Variants in KCNC2 observed in about 807,000 individuals in gnomAD.
KCNC2 encodes voltage-gated potassium channel KCNC2.
Under a neutral mutation model 44.5 loss-of-function variants are expected in KCNC2, and 21 were observed. The observed-to-expected ratio is 0.47, with a 90% CI of 0.33 to 0.68. The LOEUF is 0.68. Among genes scored for constraint, KCNC2 ranks in the 30% least tolerant of loss-of-function variants. The pLI is 0.01. For synonymous variants in KCNC2, 391 were observed against 339.1 expected (o/e 1.15, Z -1.68); for missense variants, 589 against 826.2 (o/e 0.71, Z 3.52).
intron 2 of KCNC2, among the ~76,000 whole-genome samples, chr12:75,193,061 A>G (rs2030437812): frequency 6.6e-6 from 1 of 152,116 alleles, no homozygotes; most frequent in African/African-American, 2.4e-5. Context: ...AAATAACCAG[A>G]CACTGTTCAT....
rs201314594 is a variant in KCNC2 at position 75,051,363 on chromosome 12, T to C, written c.688-46A>G. ...AAAAAACCCATAGTGATCTGAATCG[T>C]AATATATGTTGATTCTAATCTAAAA... is the stretch of plus-strand genomic sequence containing the variant. On this transcript the variant is annotated intron_variant, in intron 2 of 4. Coordinates refer to ENST00000549446, the MANE Select transcript of KCNC2 (RefSeq NM_139137.4). 5.5e-5 allele frequency: 58 copies of C among 1,045,378 alleles called. No homozygotes were observed. In the African/African-American group the frequency reaches 9.1e-4, roughly 16 times the overall value. The allele number at this position is 1,045,378 out of a possible 1,614,324, so 64.8% of individuals were successfully genotyped here. A position where few individuals can be genotyped will look rare whatever the true frequency, so the allele number is the denominator to read the frequency against.
At chr12:75,086,681 A>AAAAATATATATATAT (rs1206456289) in intron 2 of KCNC2, among the ~76,000 whole-genome samples, 33 of 54,170 alleles carry the variant, frequency 6.1e-4, no homozygotes, top group African/African-American at 1.1e-3. Flanking sequence ...AAAAAAAAAA[A>AAAAATATATATATAT]ATATATATAT....
chr12:75,167,758 C>T (rs1329416382), intron 2 of KCNC2, among the ~76,000 whole-genome samples: 2 of 151,202 alleles, frequency 1.3e-5, no homozygotes, highest in Admixed American at 1.3e-4. Flanking sequence ...CTTAATTCAA[C>T]CCAATAATTT....
intron 2 of KCNC2, among the ~76,000 whole-genome samples, chr12:75,148,655 C>T (rs537628498): frequency 6.6e-6 from 1 of 151,986 alleles, no homozygotes; most frequent in East Asian, 1.9e-4. Flanking sequence ...AATTACATTA[C>T]TTTTTTGTTA....
chr12:75,084,918 A>G (rs1439371659), intron 2 of KCNC2, among the ~76,000 whole-genome samples: 1 of 150,354 alleles, frequency 6.7e-6, no homozygotes, highest in African/African-American at 2.4e-5. Context: ...TTTTATATAT[A>G]TATTTATAAT....
intron 2 of KCNC2, among the ~76,000 whole-genome samples, chr12:75,114,485 T>G (rs1435896057): frequency 6.6e-6 from 1 of 152,246 alleles, no homozygotes; most frequent in Non-Finnish European, 1.5e-5. Context: ...GGACTACGTC[T>G]TGGCCTCCTT....
intron 2 of KCNC2, among the ~76,000 whole-genome samples, chr12:75,156,946 T>G (rs1346492082): frequency 2.0e-5 from 3 of 151,854 alleles, no homozygotes; most frequent in Non-Finnish European, 4.4e-5. Context: ...CTGGGTAAAG[T>G]GTTGACTATG....
intron 4 of KCNC2, among the ~76,000 whole-genome samples, chr12:75,045,803 C>A (rs1426039410): frequency 6.6e-6 from 1 of 151,824 alleles, no homozygotes; most frequent in African/African-American, 2.4e-5. Flanking sequence ...TTAAAGTTTT[C>A]TTAATATATG....
chr12:75,139,936 G>C (rs1889516202), intron 2 of KCNC2, among the ~76,000 whole-genome samples: 1 of 152,168 alleles, frequency 6.6e-6, no homozygotes, highest in South Asian at 2.1e-4. Flanking sequence ...TCATAGGCTT[G>C]ATAGGGGCAT....
Position 75,143,962 on chromosome 12 carries a change from G to T in KCNC2, c.687+63335C>A, listed in dbSNP as rs1054430794. Among the ~76,000 whole-genome samples, 6 of 152,114 alleles carry T rather than the reference G, an allele frequency of 3.9e-5. No homozygotes were observed. In the East Asian group the frequency reaches 1.2e-3, roughly 29 times the overall value. On this transcript the variant is annotated intron_variant, in intron 2 of 4. Coordinates refer to ENST00000549446, the MANE Select transcript of KCNC2 (RefSeq NM_139137.4). ...TCCTCTATCTGATAATAAAAATGATGCACAAAAGGTAAAGATCATTTCATG... is the reference window on the plus strand; with the variant it reads ...TCCTCTATCTGATAATAAAAATGATTCACAAAAGGTAAAGATCATTTCATG...
chr12:75,127,700 G>A (rs549939927), intron 2 of KCNC2, among the ~76,000 whole-genome samples: 31 of 152,230 alleles, frequency 2.0e-4, no homozygotes, highest in African/African-American at 7.0e-4. Context: ...GTTTTTACCT[G>A]TACAAAGGCT....
At chr12:75,195,823 A>T (rs1169951458) in intron 2 of KCNC2, among the ~76,000 whole-genome samples, 47 of 152,106 alleles carry the variant, frequency 3.1e-4, no homozygotes, top group Non-Finnish European at 1.5e-5. Context: ...TCTCTCCATT[A>T]CCAGCAGAGA....
chr12:75,207,312 C>A lies in KCNC2; in HGVS notation c.672G>T (p.Ser224=), dbSNP rs201893676. 3.2e-6 allele frequency: 5 copies of A among 1,549,926 alleles called. No homozygotes were observed. The African/African-American group carries it at 7.0e-5, about 22-fold the overall frequency. ...CTGGCCTTACCCTGGCGGCTCTGGACGAGTAGGGGTCTTCGAAGAGGGCCC... is the reference window on the plus strand; with the variant it reads ...CTGGCCTTACCCTGGCGGCTCTGGAAGAGTAGGGGTCTTCGAAGAGGGCCC... The part of the protein sequence containing the change: ...RMWALFEDPY[S]SRAARFIAFA... Residue 224 remains serine, a synonymous_variant, in exon 2 of 5, where the codon TCG becomes TCT. Transcript: ENST00000549446. The surrounding 1 kb of genome is among the most constrained non-coding windows in gnomAD (Gnocchi z 4.1).
At chr12:75,203,947 AG>A (rs1302409589) in intron 2 of KCNC2, among the ~76,000 whole-genome samples, 1 of 151,954 alleles carries the variant, frequency 6.6e-6, no homozygotes, top group Admixed American at 6.5e-5. Flanking sequence ...TTCAAAGGAA[AG>A]CACATACAAG....
chr12:75,199,808 GA>G (rs918520225), intron 2 of KCNC2, among the ~76,000 whole-genome samples: 2 of 151,738 alleles, frequency 1.3e-5, no homozygotes, highest in Admixed American at 6.6e-5. Flanking sequence ...AACAAAAGTA[GA>G]AAAACGTATT....
chr12:75,166,435 C>A (rs571971950), intron 2 of KCNC2, among the ~76,000 whole-genome samples: 1 of 142,032 alleles, frequency 7.0e-6, no homozygotes, highest in African/African-American at 2.7e-5. Context: ...AGAGAAAACT[C>A]GAATGATCTA....
intron 2 of KCNC2, among the ~76,000 whole-genome samples, chr12:75,121,072 C>T (rs1473947094): frequency 6.6e-6 from 1 of 152,178 alleles, no homozygotes; most frequent in Non-Finnish European, 1.5e-5. Context: ...CCTTGGTACC[C>T]TCTGTGTTTC....
At chr12:75,070,920 T>C (rs1883334486) in intron 2 of KCNC2, among the ~76,000 whole-genome samples, 1 of 152,204 alleles carries the variant, frequency 6.6e-6, no homozygotes, top group South Asian at 2.1e-4. Flanking sequence ...CTTTTAAAAT[T>C]AATAGTCCAT....
intron 2 of KCNC2, among the ~76,000 whole-genome samples, chr12:75,143,555 AC>A (rs1565888611): frequency 6.6e-6 from 1 of 152,144 alleles, no homozygotes; most frequent in Non-Finnish European, 1.5e-5. Context: ...TTCAAGCCCT[AC>A]ATGCCTGTTA....
Sources: gnomAD v4.1 joint callset for allele counts (sites outside exome capture counted in the v4.1 genomes callset) on GRCh38, gnomAD v4.1.1 for gene constraint, Gnocchi (gnomAD v3.1) non-coding constraint, MANE v1.5 for transcripts, NCBI Gene and HGNC (gene_info 2026-07-23, HGNC 2026-07-21) for gene names.